Variants in ZBTB20 observed in about 807,000 individuals in gnomAD.
ZBTB20 encodes zinc finger and BTB domain-containing protein 20.
A neutral mutation model predicts 56.9 loss-of-function variants in ZBTB20; 9 were observed. The observed-to-expected ratio is 0.16, with a 90% CI of 0.10 to 0.28. The LOEUF is 0.28. Ranked by LOEUF, ZBTB20 falls within the 10% of genes least tolerant of loss-of-function variation. The probability of loss-of-function intolerance (pLI) is 1.00; values close to 1 mark genes in which losing one functional copy is unlikely to be tolerated. For missense variants in ZBTB20, 655 were observed against 1,003.0 expected, an observed-to-expected ratio of 0.65 and a Z score of 4.69; for synonymous variants, 417 against 420.7, an observed-to-expected ratio of 0.99 and a Z score of 0.11.
In ZBTB20 at chr3:114,651,329, TA is replaced by T. The variant is rs901186148; in HGVS notation, c.-295+42198del. Among the ~76,000 whole-genome samples, 11 of 151,708 alleles carry T rather than the reference TA, an allele frequency of 7.3e-5. No homozygotes were observed. The East Asian group carries it at 2.1e-3, about 29-fold the overall frequency. On this transcript the variant is annotated intron_variant, in intron 6 of 11. Transcript: ENST00000675478. ...CACTTAAGAAAGCTAAAAACAACAA[TA>T]AAAAAGTGGTTTAGGTAAACAGAAT...
chr3:114,547,666 AAT>A (rs1673212950), intron 6 of ZBTB20, among the ~76,000 whole-genome samples: 1 of 152,132 alleles, frequency 6.6e-6, no homozygotes, highest in African/African-American at 2.4e-5. Flanking sequence ...ATTTAGGAGT[AAT>A]ACCTCCTTTG....
At chr3:114,803,195 G>A (rs557961626) in intron 4 of ZBTB20, among the ~76,000 whole-genome samples, 1 of 147,172 alleles carries the variant, frequency 6.8e-6, no homozygotes, top group South Asian at 2.2e-4. Flanking sequence ...GTATCCTGTT[G>A]AGGGAAACTT....
intron 10 of ZBTB20, among the ~76,000 whole-genome samples, chr3:114,360,592 C>T (rs1272517642): frequency 6.6e-6 from 1 of 151,180 alleles, no homozygotes. Flanking sequence ...ACCTTGTGAT[C>T]TGCCCACCTT....
At chr3:115,011,906 A>T (rs2108264849) in intron 2 of ZBTB20, among the ~76,000 whole-genome samples, 1 of 151,924 alleles carries the variant, frequency 6.6e-6, no homozygotes, top group Non-Finnish European at 1.5e-5. Flanking sequence ...TTTAAAAGCT[A>T]GTGGACAAGG....
At chr3:115,120,533 T>C (rs187288242) in intron 1 of ZBTB20, among the ~76,000 whole-genome samples, 3 of 152,138 alleles carry the variant, frequency 2.0e-5, no homozygotes, top group Admixed American at 6.5e-5. Flanking sequence ...CTTGAGGGGA[T>C]TGAAACCATC....
intron 2 of ZBTB20, among the ~76,000 whole-genome samples, chr3:114,985,387 A>T (rs1451921599): frequency 6.6e-6 from 1 of 152,080 alleles, no homozygotes; most frequent in African/African-American, 2.4e-5. Flanking sequence ...CAGTAAGTCC[A>T]TTTAAGAGAT....
At chr3:114,380,180 C>CAT (rs747193754) in intron 10 of ZBTB20, 37 bp downstream of exon 10, 870 of 1,499,200 alleles carry the variant, frequency 5.8e-4, no homozygotes, top group Non-Finnish European at 6.6e-4. Context: ...CTACTCCAAG[C>CAT]ACTGCAAAGA....
chr3:114,859,957 A>T (rs894664006), intron 4 of ZBTB20, among the ~76,000 whole-genome samples: 1 of 152,170 alleles, frequency 6.6e-6, no homozygotes, highest in Non-Finnish European at 1.5e-5. Flanking sequence ...CAAAAACAGT[A>T]CTGGAGAGTT....
At chr3:114,680,056 G>A (rs2061877227) in intron 6 of ZBTB20, among the ~76,000 whole-genome samples, 1 of 152,108 alleles carries the variant, frequency 6.6e-6, no homozygotes, top group South Asian at 2.1e-4. Context: ...AACACCACAT[G>A]TTCTCACTCA....
intron 7 of ZBTB20, among the ~76,000 whole-genome samples, chr3:114,423,835 A>G (rs1394678199): frequency 6.6e-6 from 1 of 152,186 alleles, no homozygotes; most frequent in Admixed American, 6.5e-5. Context: ...GCATCTCATA[A>G]AAGTTAAAAA....
chr3:114,895,802 A>T (rs1000373873), intron 4 of ZBTB20, among the ~76,000 whole-genome samples: 1 of 152,182 alleles, frequency 6.6e-6, no homozygotes, highest in Non-Finnish European at 1.5e-5. Flanking sequence ...TAATCCACAT[A>T]TCCACCATTA....
chr3:114,448,961 G>T (rs2091437846), intron 7 of ZBTB20, among the ~76,000 whole-genome samples: 1 of 152,026 alleles, frequency 6.6e-6, no homozygotes, highest in South Asian at 2.1e-4. Flanking sequence ...ATATATACCT[G>T]CCCAGGTATT....
In ZBTB20 at chr3:114,748,771, C is replaced by T. The variant is rs561404283; in HGVS notation, c.-343+52330G>A. 1.2e-4 allele frequency among the ~76,000 whole-genome samples: 19 copies of T among 152,184 alleles called. No individual in the cohort carries two copies. The South Asian group carries it at 3.3e-3, about 27-fold the overall frequency. ...CCTATTCTGATGAAAAGGCAATGTG[C>T]TATTTTTGGGGTATACATGTTTCAA... On this transcript the variant is annotated intron_variant, in intron 5 of 11. Transcript: ENST00000675478.
At chr3:114,950,023 A>C (rs2077011495) in intron 3 of ZBTB20, among the ~76,000 whole-genome samples, 1 of 152,178 alleles carries the variant, frequency 6.6e-6, no homozygotes, top group Non-Finnish European at 1.5e-5. Context: ...TCATTAGAGA[A>C]ATGCAAACCA....
intron 5 of ZBTB20, among the ~76,000 whole-genome samples, chr3:114,779,627 T>C (rs559781690): frequency 1.3e-5 from 2 of 152,300 alleles, no homozygotes; most frequent in South Asian, 4.1e-4. Flanking sequence ...CAGATTATGA[T>C]CCTGAAAGCT....
chr3:114,670,914 C>T lies in ZBTB20; in HGVS notation c.-295+22614G>A, dbSNP rs1004019767. On this transcript the variant is annotated intron_variant, in intron 6 of 11. Coordinates refer to ENST00000675478, the MANE Select transcript of ZBTB20 (RefSeq NM_001348800.3). Reference sequence around the variant, plus strand: ...TTAGTTTCATTACACAGCTATAATCCCATTACAAAGAACTTGAAGGAACTG... The same window carrying T: ...TTAGTTTCATTACACAGCTATAATCTCATTACAAAGAACTTGAAGGAACTG... Among the ~76,000 whole-genome samples, 3 of 152,052 alleles carry T rather than the reference C, an allele frequency of 2.0e-5. 1 individual carries two copies. The highest frequency in any genetic ancestry group is 6.6e-5 in the Admixed American group (1 of 15,232).
intron 10 of ZBTB20, among the ~76,000 whole-genome samples, chr3:114,360,015 A>T (rs1221783042): frequency 1.3e-5 from 2 of 152,108 alleles, no homozygotes; most frequent in East Asian, 3.8e-4. Flanking sequence ...ACACTGATGA[A>T]TTATAGTTAG....
intron 6 of ZBTB20, among the ~76,000 whole-genome samples, chr3:114,527,780 T>C (rs1196812553): frequency 6.6e-6 from 1 of 152,176 alleles, no homozygotes; most frequent in African/African-American, 2.4e-5. Flanking sequence ...TGTTGATATA[T>C]AAGAGACTTA....
At chr3:114,797,726 G>A (rs2071422766) in intron 5 of ZBTB20, among the ~76,000 whole-genome samples, 1 of 151,792 alleles carries the variant, frequency 6.6e-6, no homozygotes, top group Non-Finnish European at 1.5e-5. Flanking sequence ...ACCCTGCTCT[G>A]GTATCACCAT....
Sources: allele counts gnomAD v4.1 joint callset (sites outside exome capture counted in the v4.1 genomes callset), GRCh38; gene constraint gnomAD v4.1.1; transcripts MANE v1.5; gene names NCBI Gene and HGNC (gene_info 2026-07-23, HGNC 2026-07-21).